Variants in MFHAS1 observed in about 807,000 individuals in gnomAD.
MFHAS1 encodes the protein multifunctional ROCO family signaling regulator 1.
MFHAS1 carries 50 observed loss-of-function variants against 70.4 expected under a neutral mutation model. The ratio of observed to expected loss-of-function variants is 0.71; its 90% CI spans 0.57 to 0.90. MFHAS1 has a LOEUF of 0.90. MFHAS1 is among the 40% of genes least tolerant of loss of function. The probability of loss-of-function intolerance (pLI) is 0.00; values close to 1 mark genes in which losing one functional copy is unlikely to be tolerated. For missense variants in MFHAS1, 1,795 were observed against 1,347.6 expected (o/e 1.33, Z -5.20); for synonymous variants, 952 against 620.0 (o/e 1.54, Z -7.96).
At position 8,892,675 on chromosome 8, in the gene MFHAS1, C is replaced by T; in HGVS notation, c.384G>A (p.Ala128=). 2 of 1,583,136 alleles carry T rather than the reference C, an allele frequency of 1.3e-6. No homozygotes were observed. The highest frequency in any genetic ancestry group is 8.6e-7 in the Non-Finnish European group (1 of 1,164,800). ...GCTCCCTCAGAGCACTCACCACCTC[C>T]GCGCCCAGGGCGGTCAGCCGGTTGT... ...VSHNRLTALG[A]EVVSALRELR... The change falls in exon 1 of 3, where the codon GCG becomes GCA. Residue 128 remains alanine, a synonymous_variant. Transcript: ENST00000276282. This position sits in a 1 kb window ranked among gnomAD's most constrained non-coding sequence, Gnocchi z 4.7.
chr8:8,859,097 A>T (rs1450317308), intron 1 of MFHAS1, among the ~76,000 whole-genome samples: 1 of 152,248 alleles, frequency 6.6e-6, no homozygotes, highest in Non-Finnish European at 1.5e-5. Context: ...TCATGCCTGT[A>T]ATCCCAAAAC....
rs1040933771 is a variant in MFHAS1 at position 8,805,195 on chromosome 8, A to G, written c.2999-7704T>C. On this transcript the variant is annotated intron_variant, in intron 1 of 2. Coordinates refer to ENST00000276282, the MANE Select transcript of MFHAS1 (RefSeq NM_004225.3). Reference sequence around the variant, plus strand: ...TACTATTTTTCAAATCTCTACCAGAATTTAGTCTCTTCCCTCACATTACAA... The same window carrying G: ...TACTATTTTTCAAATCTCTACCAGAGTTTAGTCTCTTCCCTCACATTACAA... Among the ~76,000 whole-genome samples the G allele has an allele frequency of 1.3e-5, 2 of 152,184 alleles. 1 individual carries two copies. The highest frequency in any genetic ancestry group is 1.3e-4 in the Admixed American group (2 of 15,282).
intron 1 of MFHAS1, among the ~76,000 whole-genome samples, chr8:8,867,433 G>C (rs1298283770): frequency 6.6e-6 from 1 of 151,870 alleles, no homozygotes; most frequent in Non-Finnish European, 1.5e-5. Context: ...GTGTCGCACA[G>C]AAAATTTTTT....
At chr8:8,821,212 T>C (rs1335035885) in intron 1 of MFHAS1, among the ~76,000 whole-genome samples, 1 of 152,134 alleles carries the variant, frequency 6.6e-6, no homozygotes, top group East Asian at 1.9e-4. Context: ...TGCCGGGGGA[T>C]TAGCAGCTTC....
intron 1 of MFHAS1, among the ~76,000 whole-genome samples, chr8:8,798,018 G>A (rs554543953): frequency 6.8e-4 from 103 of 152,256 alleles, no homozygotes; most frequent in Non-Finnish European, 1.2e-3. Flanking sequence ...CTGGGCAAGG[G>A]GATTGCCCTG....
intron 2 of MFHAS1, among the ~76,000 whole-genome samples, chr8:8,794,701 A>C (rs1323646484): frequency 6.6e-6 from 1 of 152,108 alleles, no homozygotes; most frequent in African/African-American, 2.4e-5. Context: ...TGAGAATTAT[A>C]TTGCAAAGCT....
chr8:8,806,875 C>T (rs369200473), intron 1 of MFHAS1, among the ~76,000 whole-genome samples: 1 of 151,904 alleles, frequency 6.6e-6, no homozygotes, highest in Non-Finnish European at 1.5e-5. Context: ...GCAGGAGAAT[C>T]GCTTGAACCC....
intron 1 of MFHAS1, among the ~76,000 whole-genome samples, chr8:8,821,031 A>T (rs1458449498): frequency 2.6e-5 from 4 of 152,164 alleles, no homozygotes; most frequent in Non-Finnish European, 5.9e-5. Flanking sequence ...ATGACAGCCT[A>T]CGTGAGTCAG....
chr8:8,823,066 T>C (rs78805135), intron 1 of MFHAS1, among the ~76,000 whole-genome samples: 4,998 of 152,224 alleles, frequency 0.033, 130 homozygotes, highest in Non-Finnish European at 0.052. Context: ...TTCTAGTCCA[T>C]ACAGAGATTC....
At chr8:8,875,181 T>C (rs1809243271) in intron 1 of MFHAS1, among the ~76,000 whole-genome samples, 1 of 152,190 alleles carries the variant, frequency 6.6e-6, no homozygotes, top group South Asian at 2.1e-4. Context: ...TTAATGACAT[T>C]TTTTGCCTTT....
intron 1 of MFHAS1, among the ~76,000 whole-genome samples, chr8:8,807,643 C>A (rs148627109): frequency 6.6e-6 from 1 of 152,146 alleles, no homozygotes; most frequent in African/African-American, 2.4e-5. Context: ...AGAAGGCATT[C>A]GCGTGGATGG....
At chr8:8,825,967 G>C (rs959272594) in intron 1 of MFHAS1, among the ~76,000 whole-genome samples, 3 of 152,152 alleles carry the variant, frequency 2.0e-5, no homozygotes, top group African/African-American at 7.2e-5. Flanking sequence ...TTGCAGTTGA[G>C]GCTGAAGTTC....
At chr8:8,807,805 C>T (rs1806382265) in intron 1 of MFHAS1, among the ~76,000 whole-genome samples, 1 of 152,102 alleles carries the variant, frequency 6.6e-6, no homozygotes. Context: ...CTAAGGCCTT[C>T]TACAACATTA....
intron 1 of MFHAS1, 134 bp downstream of exon 1, chr8:8,889,927 C>T: frequency 1.4e-6 from 1 of 708,058 alleles, no homozygotes; most frequent in East Asian, 2.7e-5. Context: ...TCCAAATCTC[C>T]CTGTGTTTCC....
chr8:8,892,520 A>G lies in MFHAS1; in HGVS notation c.539T>C (p.Leu180Pro). ...LAHLPDSLSC[L>P]SRLRTLDVDH... is the part of the protein sequence containing the mutation. Reference sequence around the variant, plus strand: ...CACGTCCAGGGTGCGCAGGCGGGAGAGGCAGGAGAGGGAGTCAGGCAGGTG... The same window carrying G: ...CACGTCCAGGGTGCGCAGGCGGGAGGGGCAGGAGAGGGAGTCAGGCAGGTG... Residue 180 changes from leucine to proline, a missense_variant, in exon 1 of 3, where the codon CTC (leucine) becomes CCC (proline). Coordinates refer to ENST00000276282, the MANE Select transcript of MFHAS1 (RefSeq NM_004225.3). This position sits in a 1 kb window ranked among gnomAD's most constrained non-coding sequence, Gnocchi z 4.7. 1 of 1,598,404 alleles carries G rather than the reference A, an allele frequency of 6.3e-7. No individual in the cohort carries two copies. The highest frequency in any genetic ancestry group is 8.5e-7 in the Non-Finnish European group (1 of 1,172,776).
chr8:8,826,827 C>G (rs566536705), intron 1 of MFHAS1, among the ~76,000 whole-genome samples: 1 of 152,136 alleles, frequency 6.6e-6, no homozygotes, highest in Non-Finnish European at 1.5e-5. Context: ...ATCAGAAATG[C>G]AGATGTGAGG....
intron 1 of MFHAS1, among the ~76,000 whole-genome samples, chr8:8,868,705 G>A (rs1808955640): frequency 6.6e-6 from 1 of 152,114 alleles, no homozygotes; most frequent in Non-Finnish European, 1.5e-5. Context: ...ACCTGAGTCT[G>A]GGAGGCTCCT....
At chr8:8,802,273 A>C (rs1383146563) in intron 1 of MFHAS1, among the ~76,000 whole-genome samples, 1 of 152,224 alleles carries the variant, frequency 6.6e-6, no homozygotes, top group African/African-American at 2.4e-5. Context: ...GAACTCTGAC[A>C]GTAGGACTGA....
At chr8:8,794,268 G>C (rs908650269) in intron 2 of MFHAS1, among the ~76,000 whole-genome samples, 3 of 152,114 alleles carry the variant, frequency 2.0e-5, no homozygotes, top group Admixed American at 1.3e-4. Flanking sequence ...CAGTGCAATA[G>C]CCCCGGACTT....
Sources: allele counts gnomAD v4.1 joint callset (sites outside exome capture counted in the v4.1 genomes callset), GRCh38; gene constraint gnomAD v4.1.1; non-coding constraint Gnocchi (gnomAD v3.1); transcripts MANE v1.5; gene names NCBI Gene and HGNC (gene_info 2026-07-23, HGNC 2026-07-21).